GLIPR1L2: variants seen among roughly 807,000 people sequenced by gnomAD.
GLIPR1L2 encodes the protein GLIPR1 like 2.
A neutral mutation model predicts 28.4 loss-of-function variants in GLIPR1L2; 21 were observed. The observed-to-expected ratio is 0.74, with a 90% CI of 0.52 to 1.06. GLIPR1L2 has a LOEUF of 1.06. Among genes scored for constraint, GLIPR1L2 ranks in the 50% least tolerant of loss-of-function variants. The pLI is 0.00. For synonymous variants in GLIPR1L2, 145 were observed against 139.3 expected (o/e 1.04, Z -0.29); for missense variants, 476 against 416.9 (o/e 1.14, Z -1.23).
intron 1 of GLIPR1L2, among the ~76,000 whole-genome samples, chr12:75,408,611 T>C (rs536997771): frequency 1.3e-5 from 2 of 152,182 alleles, no homozygotes; most frequent in Non-Finnish European, 2.9e-5. Context: ...TAGGAAACAA[T>C]CTAAAGGTCT....
chr12:75,429,809 C>T lies in GLIPR1L2; in HGVS notation c.671-906C>T, dbSNP rs550928721. On this transcript the variant is annotated intron_variant, in intron 4 of 5. Transcript: ENST00000550916. ...TTCGGCAGTTCTCCCCTCACTCTCCCTCCTGCCACCATGTAAGATGTGCCT... is the reference window on the plus strand; with the variant it reads ...TTCGGCAGTTCTCCCCTCACTCTCCTTCCTGCCACCATGTAAGATGTGCCT... 2.0e-5 allele frequency among the ~76,000 whole-genome samples: 3 copies of T among 152,230 alleles called. No homozygotes were observed. In the East Asian group the frequency reaches 5.8e-4, roughly 29 times the overall value.
chr12:75,404,141 TTG>T (rs2045771851), intron 1 of GLIPR1L2, among the ~76,000 whole-genome samples: 1 of 152,220 alleles, frequency 6.6e-6, no homozygotes, highest in Non-Finnish European at 1.5e-5. Context: ...TTTTCTATTA[TTG>T]TGTTTCACTT....
intron 2 of GLIPR1L2, among the ~76,000 whole-genome samples, chr12:75,411,575 A>G (rs2045868148): frequency 6.6e-6 from 1 of 151,650 alleles, no homozygotes; most frequent in Non-Finnish European, 1.5e-5. Flanking sequence ...CCTCTTTAAT[A>G]TGACTTTAAT....
chr12:75,412,631 A>G lies in GLIPR1L2; in HGVS notation c.481-967A>G, dbSNP rs201120449. Among the ~76,000 whole-genome samples the G allele has an allele frequency of 2.2e-3, 340 of 152,266 alleles. No homozygotes were observed. The East Asian group carries it at 0.034, about 15-fold the overall frequency. ...ACTGGCCGTCAGAGAAATGCAAATCAAAACCACAATGAGATACCATCTCAC... is the reference window on the plus strand; with the variant it reads ...ACTGGCCGTCAGAGAAATGCAAATCGAAACCACAATGAGATACCATCTCAC... On this transcript the variant is annotated intron_variant, in intron 2 of 5. Coordinates refer to ENST00000550916, the MANE Select transcript of GLIPR1L2 (RefSeq NM_001270396.2).
intron 1 of GLIPR1L2, among the ~76,000 whole-genome samples, chr12:75,409,406 T>C (rs1300183971): frequency 2.6e-5 from 4 of 151,824 alleles, no homozygotes; most frequent in Non-Finnish European, 5.9e-5. Context: ...CTCTAAATGA[T>C]GATAAAAGCA....
intron 1 of GLIPR1L2, among the ~76,000 whole-genome samples, chr12:75,400,243 C>G (rs1039609920): frequency 6.6e-6 from 1 of 152,100 alleles, no homozygotes; most frequent in Non-Finnish European, 1.5e-5. Context: ...CTCAGCCTCC[C>G]GAGTAGCTGG....
chr12:75,428,476 A>G (rs1210545465), intron 4 of GLIPR1L2, among the ~76,000 whole-genome samples: 2 of 152,246 alleles, frequency 1.3e-5, no homozygotes, highest in East Asian at 1.9e-4. Flanking sequence ...AGCAGAGCAT[A>G]AAAGTTTGGA....
At chr12:75,429,727 C>T (rs1358666317) in intron 4 of GLIPR1L2, among the ~76,000 whole-genome samples, 1 of 151,918 alleles carries the variant, frequency 6.6e-6, no homozygotes, top group Non-Finnish European at 1.5e-5. Flanking sequence ...ACAGTTTCCC[C>T]CATGCTGTTC....
chr12:75,431,315 T>C lies in GLIPR1L2; in HGVS notation c.*154T>C. 1 of 520,040 alleles carries C rather than the reference T, an allele frequency of 1.9e-6. No homozygotes were observed. The allele number at this position is 520,040 out of a possible 1,614,324, so 32.2% of individuals were successfully genotyped here. A position where few individuals can be genotyped will look rare whatever the true frequency, so the allele number is the denominator to read the frequency against. On this transcript the variant is annotated 3_prime_UTR_variant, in exon 6 of 6. Transcript: ENST00000550916. ...GAATGTTTTTTATTCCCTTCTCTCC[T>C]ATACTTATTCAATCAATTTAAATTT...
chr12:75,400,500 G>A (rs1485061741), intron 1 of GLIPR1L2, among the ~76,000 whole-genome samples: 2 of 152,070 alleles, frequency 1.3e-5, no homozygotes, highest in Non-Finnish European at 2.9e-5. Flanking sequence ...TTTTGTATAC[G>A]AAAATTTAAA....
chr12:75,417,495 T>C (rs1392933494), intron 3 of GLIPR1L2, among the ~76,000 whole-genome samples: 1 of 152,136 alleles, frequency 6.6e-6, no homozygotes, highest in Non-Finnish European at 1.5e-5. Flanking sequence ...AGAAAATTAA[T>C]GCAGAATGGA....
At chr12:75,413,980 A>G (rs2045899118) in intron 3 of GLIPR1L2, among the ~76,000 whole-genome samples, 1 of 152,066 alleles carries the variant, frequency 6.6e-6, no homozygotes, top group Non-Finnish European at 1.5e-5. Context: ...ATTTTCCAAA[A>G]TAGTTTATTC....
intron 1 of GLIPR1L2, among the ~76,000 whole-genome samples, chr12:75,409,194 ATTC>A (rs1191467928): frequency 5.3e-5 from 8 of 151,958 alleles, no homozygotes; most frequent in African/African-American, 9.7e-5. Context: ...GCCTAAGACA[ATTC>A]TTCTTCCAAT....
chr12:75,413,201 G>T (rs7975447), intron 2 of GLIPR1L2, among the ~76,000 whole-genome samples: 1 of 149,410 alleles, frequency 6.7e-6, no homozygotes, highest in Non-Finnish European at 1.5e-5. Context: ...GTTGTGGGGT[G>T]GGGGGAAGGG....
chr12:75,403,260 A>C, intron 1 of GLIPR1L2: 1 of 374,630 alleles, frequency 2.7e-6, no homozygotes, highest in East Asian at 7.3e-5. Flanking sequence ...TTACAGTTTT[A>C]GATTTCTTTG....
At position 75,393,028 on chromosome 12, in the gene GLIPR1L2, T is replaced by G. The variant is rs147035049; in HGVS notation, c.234+1678T>G. On this transcript the variant is annotated intron_variant, in intron 1 of 5. Coordinates refer to ENST00000550916, the MANE Select transcript of GLIPR1L2 (RefSeq NM_001270396.2). ...ATCACTCAGCTTATTTAAACTCTTT[T>G]ATTGGTTATTTTTAGTATTTTAATG... is the stretch of plus-strand genomic sequence containing the variant. 2.7e-3 allele frequency among the ~76,000 whole-genome samples: 412 copies of G among 152,200 alleles called. 2 individuals are homozygous for G. The highest frequency in any genetic ancestry group is 9.5e-3 in the African/African-American group (395 of 41,588).
chr12:75,415,290 T>C (rs10879913), intron 3 of GLIPR1L2, among the ~76,000 whole-genome samples: 49,195 of 151,880 alleles, frequency 0.32, 8,724 homozygotes, highest in East Asian at 0.46. Context: ...ATCTCATTTT[T>C]GTTTTGAAAA....
At chr12:75,409,623 T>A (rs1028913878) in intron 1 of GLIPR1L2, among the ~76,000 whole-genome samples, 5 of 147,032 alleles carry the variant, frequency 3.4e-5, no homozygotes, top group African/African-American at 7.4e-5. Flanking sequence ...TATTCTCTAA[T>A]CTTATATATA....
chr12:75,398,244 G>C (rs1432096120), intron 1 of GLIPR1L2, among the ~76,000 whole-genome samples: 1 of 140,404 alleles, frequency 7.1e-6, no homozygotes, highest in Non-Finnish European at 1.5e-5. Context: ...CAGGAGAATC[G>C]CTTGAACCCG....
Sources: gnomAD v4.1 joint callset for allele counts (sites outside exome capture counted in the v4.1 genomes callset) on GRCh38, gnomAD v4.1.1 for gene constraint, MANE v1.5 for transcripts, NCBI Gene and HGNC (gene_info 2026-07-23, HGNC 2026-07-21) for gene names.